MPPED2: variants seen among roughly 807,000 people sequenced by gnomAD.
MPPED2 encodes metallophosphoesterase domain containing 2, also known as metallophosphoesterase MPPED2.
A neutral mutation model predicts 33.0 loss-of-function variants in MPPED2; 5 were observed. That is an observed-to-expected ratio of 0.15 (90% CI 0.08 to 0.32). MPPED2 has a LOEUF of 0.32. Ranked by LOEUF, MPPED2 falls within the 10% of genes least tolerant of loss-of-function variation. MPPED2 has a pLI of 1.00. For missense variants in MPPED2, 275 were observed against 372.1 expected (o/e 0.74, Z 2.15); for synonymous variants, 136 against 141.9 (o/e 0.96, Z 0.29).
intron 6 of MPPED2, among the ~76,000 whole-genome samples, chr11:30,392,978 C>T (rs766495799): frequency 2.6e-5 from 4 of 152,112 alleles, no homozygotes; most frequent in Non-Finnish European, 5.9e-5. Flanking sequence ...TTCAAGTCTT[C>T]CCTCTGTTCC....
chr11:30,454,456 GA>G (rs369937756), intron 4 of MPPED2, among the ~76,000 whole-genome samples: 1 of 150,466 alleles, frequency 6.6e-6, no homozygotes, highest in African/African-American at 2.4e-5. Flanking sequence ...GGAAATAAAA[GA>G]AAAAAAATCA....
At chr11:30,511,445 A>C (rs6484487) in intron 3 of MPPED2, among the ~76,000 whole-genome samples, 78,462 of 152,090 alleles carry the variant, frequency 0.52, 20,592 homozygotes, top group East Asian at 0.68. Flanking sequence ...AGTAACAGAG[A>C]AAATTACCAA....
chr11:30,388,765 G>A, exon 7 of MPPED2: 2 of 1,264,702 alleles, frequency 1.6e-6, no homozygotes, highest in East Asian at 2.8e-5. Flanking sequence ...TCTTCACCAA[G>A]GAGAGGCATC....
At chr11:30,579,380 C>T (rs960636120) in intron 2 of MPPED2, among the ~76,000 whole-genome samples, 2 of 152,022 alleles carry the variant, frequency 1.3e-5, no homozygotes, top group African/African-American at 4.8e-5. Context: ...AGGTTTAGTC[C>T]TACTATGAAA....
At chr11:30,492,700 T>C (rs1952036678) in intron 4 of MPPED2, among the ~76,000 whole-genome samples, 2 of 75,874 alleles carry the variant, frequency 2.6e-5, no homozygotes, top group Non-Finnish European at 4.5e-5. Flanking sequence ...AAAAAATAAA[T>C]TGACGTACCT....
At chr11:30,472,073 A>C (rs1207688628) in intron 4 of MPPED2, among the ~76,000 whole-genome samples, 2 of 152,236 alleles carry the variant, frequency 1.3e-5, no homozygotes, top group Admixed American at 1.3e-4. Flanking sequence ...CTCTCAAATT[A>C]AGCGGTAAGG....
chr11:30,535,966 G>T lies in MPPED2; in HGVS notation c.310+28C>A, dbSNP rs369159482. On this transcript the variant is annotated intron_variant, in intron 3 of 6. Transcript: ENST00000358117. The stretch of plus-strand genomic sequence containing the variant: ...ACACTCGGACGGGAAAGGTTAATTG[G>T]GGCCGCCAGAACGCAATCATTCCTT... 22 of 1,556,460 alleles carry T rather than the reference G, an allele frequency of 1.4e-5. No homozygotes were observed. In the African/African-American group the frequency reaches 2.7e-4, roughly 19 times the overall value.
rs1952786483 is a variant in MPPED2, at chr11:30,505,563, C to T, written c.311-10042G>A. ...TTTATTTTATCCAAACTTTCCTTTACAAATGAGGGTCTTGGCTTATAAAGA... is the reference window on the plus strand; with the variant it reads ...TTTATTTTATCCAAACTTTCCTTTATAAATGAGGGTCTTGGCTTATAAAGA... On this transcript the variant is annotated intron_variant, in intron 3 of 6. Transcript: ENST00000358117. Among the ~76,000 whole-genome samples the T allele has an allele frequency of 2.0e-5, 3 of 152,224 alleles. No homozygotes were observed. The South Asian group carries it at 6.2e-4, about 31-fold the overall frequency.
chr11:30,579,842 A>AG (rs1420459382), intron 2 of MPPED2, among the ~76,000 whole-genome samples: 1 of 148,574 alleles, frequency 6.7e-6, no homozygotes, highest in Non-Finnish European at 1.5e-5. Context: ...AAAAAAAAAA[A>AG]CTACAGAAAT....
At chr11:30,446,728 C>A (rs1357147673) in intron 4 of MPPED2, among the ~76,000 whole-genome samples, 1 of 152,056 alleles carries the variant, frequency 6.6e-6, no homozygotes, top group East Asian at 1.9e-4. Context: ...GCAAAGGCAG[C>A]CAACGAGCAC....
chr11:30,550,233 T>A (rs1286486713), intron 2 of MPPED2, among the ~76,000 whole-genome samples: 2 of 152,072 alleles, frequency 1.3e-5, no homozygotes, highest in African/African-American at 4.8e-5. Flanking sequence ...AAAAGATTTA[T>A]AATCTCCAAC....
At chr11:30,584,354 A>G in intron 1 of MPPED2, 1 of 150,978 alleles carries the variant, frequency 6.6e-6, no homozygotes, top group Non-Finnish European at 1.5e-5. Context: ...ACACACACAC[A>G]CACACACACA....
intron 3 of MPPED2, among the ~76,000 whole-genome samples, chr11:30,534,209 T>G (rs948703040): frequency 1.3e-5 from 2 of 152,210 alleles, no homozygotes; most frequent in African/African-American, 4.8e-5. Flanking sequence ...CCCACAGTGC[T>G]GTTGTCTTCC....
chr11:30,479,641 G>A (rs530328723), intron 4 of MPPED2, among the ~76,000 whole-genome samples: 2,004 of 150,626 alleles, frequency 0.013, 43 homozygotes, highest in African/African-American at 0.046. Context: ...ACCTCTAAAG[G>A]AAAAAAAAAT....
chr11:30,463,828 G>A (rs190274149), intron 4 of MPPED2, among the ~76,000 whole-genome samples: 1 of 150,032 alleles, frequency 6.7e-6, no homozygotes, highest in African/African-American at 2.5e-5. Context: ...AACTGATATG[G>A]GATTATGTCT....
chr11:30,384,600 G>T (rs1430383824), exon 7 of MPPED2: 2 of 151,074 alleles, frequency 1.3e-5, no homozygotes, highest in East Asian at 3.9e-4. Context: ...TCAGTCTCCC[G>T]AGTAGCTGGG....
chr11:30,572,199 C>G (rs1198106703), intron 2 of MPPED2, among the ~76,000 whole-genome samples: 2 of 152,172 alleles, frequency 1.3e-5, no homozygotes, highest in Non-Finnish European at 2.9e-5. Context: ...AAGTAGCCAA[C>G]AAACAAATAA....
intron 4 of MPPED2, among the ~76,000 whole-genome samples, chr11:30,431,460 G>A (rs1209291640): frequency 6.6e-6 from 1 of 152,126 alleles, no homozygotes; most frequent in Non-Finnish European, 1.5e-5. Flanking sequence ...ACACATTGTT[G>A]GGAACATTAA....
At chr11:30,554,214 A>G (rs888408047) in intron 2 of MPPED2, among the ~76,000 whole-genome samples, 6 of 152,062 alleles carry the variant, frequency 3.9e-5, no homozygotes, top group African/African-American at 1.4e-4. Context: ...TCCTAAACCC[A>G]CCCTGATTGT....
Sources: gnomAD v4.1 joint callset for allele counts (sites outside exome capture counted in the v4.1 genomes callset) on GRCh38, gnomAD v4.1.1 for gene constraint, MANE v1.5 for transcripts, NCBI Gene and HGNC (gene_info 2026-07-23, HGNC 2026-07-21) for gene names.